Variants in DST observed in about 807,000 individuals in gnomAD.
DST encodes the protein bullous pemphigoid antigen.
A neutral mutation model predicts 875.2 loss-of-function variants in DST; 253 were observed. The ratio of observed to expected loss-of-function variants is 0.29; its 90% CI spans 0.26 to 0.32. DST has a LOEUF of 0.32. Ranked by LOEUF, DST falls within the 10% of genes least tolerant of loss-of-function variation. The pLI is 1.00. For missense variants in DST, 8,287 were observed against 9,111.6 expected, an observed-to-expected ratio of 0.91 and a Z score of 3.68; for synonymous variants, 3,124 against 3,197.1, an observed-to-expected ratio of 0.98 and a Z score of 0.77.
intron 23 of DST, 23 bp from the exon 24 acceptor site, chr6:56,635,737 A>C: frequency 6.2e-7 from 1 of 1,612,648 alleles, no homozygotes; most frequent in Middle Eastern, 1.7e-4. Context: ...GAAACCTGGA[A>C]GTTAAAGTAT....
intron 2 of DST, among the ~76,000 whole-genome samples, chr6:56,942,808 T>C (rs868167919): frequency 6.7e-6 from 1 of 149,044 alleles, no homozygotes; most frequent in African/African-American, 2.5e-5. Flanking sequence ...TTCGAACTCC[T>C]GGGCTTAAAA....
In DST at chr6:56,648,534, G is replaced by C. The variant is rs553605847; in HGVS notation, c.1554+36C>G. The C allele has an allele frequency of 4.6e-6, 7 of 1,523,914 alleles. No individual in the cohort carries two copies. In the African/African-American group the frequency reaches 8.3e-5, roughly 18 times the overall value. The allele number at this position is 1,523,914 out of a possible 1,614,324, so 94.4% of individuals were successfully genotyped here. ...TAGCATTACTTAAGGGTTTACAATT[G>C]AATCAATCCTATGTAATTTCTACAG... On this transcript the variant is annotated intron_variant, in intron 13 of 103. Transcript: ENST00000680361.
In DST at chr6:56,907,234, T is replaced by C. The variant is rs138142414; in HGVS notation, c.217-6613A>G. ...AGTCTTGATTGTGAGTTCCACAATC[T>C]AGTTGTATTAAATTCTCTATTGGCT... is the stretch of plus-strand genomic sequence containing the variant. On this transcript the variant is annotated intron_variant, in intron 2 of 103. Transcript: ENST00000680361. Among the ~76,000 whole-genome samples the C allele has an allele frequency of 2.3e-3, 347 of 152,238 alleles. 3 individuals are homozygous for C. The highest frequency in any genetic ancestry group is 0.014 in the Middle Eastern group (4 of 294).
chr6:56,555,547 C>A lies in DST; in HGVS notation c.14934G>T (p.Thr4978=). ...ACTGTTGGTTCATAGCATCAGGGTG[C>A]GTGCTCACAGCCAGACTGCTGCTGA... ...NKLSSSLAVS[T]HPDAMNQQLE... Residue 4978 remains threonine (T), a synonymous_variant, in exon 60 of 104, where the codon ACG becomes ACT. Transcript: ENST00000680361. The A allele has an allele frequency of 6.2e-7, 1 of 1,613,972 alleles. No homozygotes were observed. Among genetic ancestry groups the A allele is most frequent in the Non-Finnish European group, 8.5e-7 (1 of 1,179,880 alleles).
At chr6:56,681,900 C>T (rs574247214) in intron 9 of DST, among the ~76,000 whole-genome samples, 2 of 152,278 alleles carry the variant, frequency 1.3e-5, no homozygotes, top group African/African-American at 4.8e-5. Context: ...GGACATGCAG[C>T]CCCCAACCAA....
intron 2 of DST, among the ~76,000 whole-genome samples, chr6:56,913,240 T>C (rs770864851): frequency 1.3e-5 from 2 of 152,248 alleles, no homozygotes; most frequent in African/African-American, 4.8e-5. Context: ...ATGTGCCAAA[T>C]ACTATGCATG....
chr6:56,528,900 C>T lies in DST; in HGVS notation c.17621G>A (p.Arg5874Lys). ...LRVLQEDILL[R>K]KQNVDQALLN... ...TAAAGCCTGATCTACATTTTGTTTC[C>T]TGAGTAAGATGTCCTCTTGCAGAAC... is the stretch of plus-strand genomic sequence containing the variant. Residue 5874 changes from arginine to lysine, a missense_variant, in exon 67 of 104, where the codon AGG becomes AAG. Arg to Lys is a conservative substitution (Grantham distance 26). Transcript: ENST00000680361. The T allele has an allele frequency of 6.3e-7, 1 of 1,585,966 alleles. No individual in the cohort carries two copies. The highest frequency in any genetic ancestry group is 8.6e-7 in the Non-Finnish European group (1 of 1,163,976).
chr6:56,704,256 T>C, intron 6 of DST, 24 bp downstream of exon 6: 3 of 1,247,784 alleles, frequency 2.4e-6, no homozygotes, highest in South Asian at 2.8e-5. Context: ...TTCTTCAAAA[T>C]AAAATAAGAA....
intron 4 of DST, among the ~76,000 whole-genome samples, chr6:56,762,521 ATAT>A (rs1239483462): frequency 3.9e-5 from 6 of 152,174 alleles, no homozygotes; most frequent in Non-Finnish European, 5.9e-5. Context: ...GCATCCCTTG[ATAT>A]TATCTGTGCA....
At chr6:56,670,170 GTGTA>G (rs1273119729) in intron 10 of DST, among the ~76,000 whole-genome samples, 169 of 144,112 alleles carry the variant, frequency 1.2e-3, no homozygotes, top group Admixed American at 1.8e-3. Context: ...GTGTGTGTGT[GTGTA>G]TAAGCTACAA....
intron 2 of DST, among the ~76,000 whole-genome samples, chr6:56,914,095 T>C (rs907334806): frequency 1.3e-5 from 2 of 152,148 alleles, no homozygotes; most frequent in Non-Finnish European, 2.9e-5. Context: ...TCTTATTTTT[T>C]CTTAGACTGA....
intron 2 of DST, among the ~76,000 whole-genome samples, chr6:56,928,746 T>C (rs1012882149): frequency 4.6e-5 from 7 of 152,010 alleles, no homozygotes; most frequent in Non-Finnish European, 8.8e-5. Context: ...GATTATAAGA[T>C]TAAGATAATG....
At chr6:56,669,297 A>C (rs1440806113) in intron 10 of DST, among the ~76,000 whole-genome samples, 1 of 151,642 alleles carries the variant, frequency 6.6e-6, no homozygotes, top group Non-Finnish European at 1.5e-5. Flanking sequence ...CAAAAAAAAA[A>C]AAAAAAAAAC....
rs1019149375 is a variant in DST at position 56,701,969 on chromosome 6, A to C, written c.877-4T>G. 6.3e-7 allele frequency: 1 copy of C among 1,598,348 alleles called. No individual in the cohort carries two copies. Among genetic ancestry groups the C allele is most frequent in the Non-Finnish European group, 8.6e-7 (1 of 1,167,170 alleles). ...GCATCCGACCTTTTTCTCTGGGCTA[A>C]GAACAGAAAAATGCAGGTATGAAAA... On this transcript the variant is annotated splice_region_variant and splice_polypyrimidine_tract_variant and intron_variant, in intron 7 of 103. Transcript: ENST00000680361.
At position 56,633,040 on chromosome 6, in the gene DST, AAAG is replaced by A; in HGVS notation, c.3622-6_3622-4del. 1 of 1,612,196 alleles carries A rather than the reference AAAG, an allele frequency of 6.2e-7. No individual in the cohort carries two copies. Among genetic ancestry groups the A allele is most frequent in the East Asian group, 2.2e-5 (1 of 44,828 alleles). On this transcript the variant is annotated splice_polypyrimidine_tract_variant and splice_region_variant and intron_variant, in intron 27 of 103. Transcript: ENST00000680361. The stretch of plus-strand genomic sequence containing the variant: ...TCACCAGGTAGCATTGTCTTTATCT[AAAG>A]AAGACCAAAGACCCATGTAATTCAT...
At chr6:56,574,122 T>G (rs1223944354) in intron 50 of DST, among the ~76,000 whole-genome samples, 4 of 151,682 alleles carry the variant, frequency 2.6e-5, no homozygotes, top group Admixed American at 2.0e-4. Flanking sequence ...TTAATATATA[T>G]CCCATCTGCA....
At chr6:56,924,777 T>G (rs61409759) in intron 2 of DST, among the ~76,000 whole-genome samples, 2,919 of 152,108 alleles carry the variant, frequency 0.019, 93 homozygotes, top group African/African-American at 0.066. Flanking sequence ...ATACTTCTTA[T>G]GATTAAGTTA....
intron 4 of DST, among the ~76,000 whole-genome samples, chr6:56,781,899 CAATACCT>C (rs1318894536): frequency 1.3e-5 from 2 of 152,174 alleles, no homozygotes; most frequent in Non-Finnish European, 2.9e-5. Flanking sequence ...TACATCCCAT[CAATACCT>C]AATTTATTGA....
chr6:56,625,255 A>G lies in DST; in HGVS notation c.4732T>C (p.Leu1578=). ...QYSATVKDYE[L]QTMTYRAMVD... Reference sequence around the variant, plus strand: ...ATGGCCCGGTAGGTCATTGTTTGTAATTCATAGTCCTGTATAAAGGAGTCA... The same window carrying G: ...ATGGCCCGGTAGGTCATTGTTTGTAGTTCATAGTCCTGTATAAAGGAGTCA... Residue 1578 remains leucine, a synonymous_variant, in exon 35 of 104, where the codon TTA becomes CTA. Coordinates refer to ENST00000680361, the MANE Select transcript of DST (RefSeq NM_001374736.1). 1 of 1,609,608 alleles carries G rather than the reference A, an allele frequency of 6.2e-7. No homozygotes were observed. The highest frequency in any genetic ancestry group is 2.2e-5 in the East Asian group (1 of 44,796).
Sources: allele counts gnomAD v4.1 joint callset (sites outside exome capture counted in the v4.1 genomes callset), GRCh38; gene constraint gnomAD v4.1.1; transcripts MANE v1.5; gene names NCBI Gene and HGNC (gene_info 2026-07-23, HGNC 2026-07-21).